The following TMEFF1 variants were observed in gnomAD, a reference collection of about 807,000 sequenced individuals.
The protein encoded by TMEFF1 is transmembrane protein with EGF like and two follistatin like domains 1.
A neutral mutation model predicts 47.5 loss-of-function variants in TMEFF1; 20 were observed. The ratio of observed to expected loss-of-function variants is 0.42; its 90% CI spans 0.30 to 0.61. The LOEUF is 0.61. Among genes scored for constraint, TMEFF1 ranks in the 20% least tolerant of loss-of-function variants. The probability of loss-of-function intolerance (pLI) is 0.19; values close to 1 mark genes in which losing one functional copy is unlikely to be tolerated. For missense variants in TMEFF1, 411 were observed against 471.1 expected, an observed-to-expected ratio of 0.87 and a Z score of 1.18; for synonymous variants, 162 against 166.3, an observed-to-expected ratio of 0.97 and a Z score of 0.20.
chr9:100,504,930 A>C (rs554748124), intron 2 of TMEFF1, among the ~76,000 whole-genome samples: 1 of 152,236 alleles, frequency 6.6e-6, no homozygotes, highest in Admixed American at 6.5e-5. Flanking sequence ...AAATTCACGG[A>C]TAAATTAACC....
chr9:100,572,847 CCA>C (rs1839273621), intron 9 of TMEFF1, among the ~76,000 whole-genome samples, 171 bp downstream of exon 9: 2 of 151,920 alleles, frequency 1.3e-5, no homozygotes, highest in South Asian at 4.2e-4. Context: ...GGACTAATTC[CCA>C]GTCTTACAGG....
At position 100,543,704 on chromosome 9, in the gene TMEFF1, A is replaced by AAAACACACAC. The variant is rs1038685574; in HGVS notation, c.561-4039_561-4038insAACACACACA. On this transcript the variant is annotated intron_variant, in intron 5 of 9. Coordinates refer to ENST00000374879, the MANE Select transcript of TMEFF1 (RefSeq NM_003692.5). ...AACACTAACATAGCTGATGAAGTAA[A>AAAACACACAC]ACACACACACACACACACACACACA... Among the ~76,000 whole-genome samples the AAAACACACAC allele has an allele frequency of 1.3e-3, 183 of 138,934 alleles. 1 individual carries two copies. Among genetic ancestry groups the AAAACACACAC allele is most frequent in the African/African-American group, 2.8e-3 (105 of 36,908 alleles). 91.1% of individuals were successfully genotyped at this position (138,934 alleles called of 152,430 possible). A position where few individuals can be genotyped will look rare whatever the true frequency, so the allele number is the denominator to read the frequency against.
intron 1 of TMEFF1, among the ~76,000 whole-genome samples, chr9:100,475,161 T>C (rs1413958092): frequency 6.6e-6 from 1 of 152,140 alleles, no homozygotes; most frequent in African/African-American, 2.4e-5. Context: ...GAAGGGGCAT[T>C]ATTTCTGGAA....
chr9:100,547,998 G>A (rs201540904), intron 6 of TMEFF1, 106 bp downstream of exon 6: 20 of 1,242,040 alleles, frequency 1.6e-5, no homozygotes, highest in Middle Eastern at 3.1e-4. Context: ...AGAAATCCTC[G>A]AAGCTTTATT....
At chr9:100,546,559 C>T (rs1433000730) in intron 5 of TMEFF1, among the ~76,000 whole-genome samples, 1 of 152,128 alleles carries the variant, frequency 6.6e-6, no homozygotes, top group Non-Finnish European at 1.5e-5. Context: ...ATTGAATTTA[C>T]CCAGTTTGGC....
chr9:100,571,059 G>A (rs760554692), intron 8 of TMEFF1, among the ~76,000 whole-genome samples: 4 of 152,056 alleles, frequency 2.6e-5, no homozygotes, highest in African/African-American at 4.8e-5. Context: ...TCCAAGATTA[G>A]CACCTACAGC....
chr9:100,511,655 A>C (rs911233734), intron 3 of TMEFF1, among the ~76,000 whole-genome samples: 1 of 152,156 alleles, frequency 6.6e-6, no homozygotes, highest in Non-Finnish European at 1.5e-5. Context: ...CTCCTCTGTG[A>C]AATCTTCCTT....
chr9:100,475,715 CTGTGTGTGTGTGTGTGTGTG>C (rs3055671), intron 1 of TMEFF1, among the ~76,000 whole-genome samples: 6 of 140,850 alleles, frequency 4.3e-5, no homozygotes, highest in Non-Finnish European at 6.2e-5. Context: ...TGCAGAGCGA[CTGTGTGTGTGTGTGTGTGTG>C]TGTGTGTGTG....
intron 1 of TMEFF1, among the ~76,000 whole-genome samples, chr9:100,495,985 A>C (rs1837643449): frequency 6.6e-6 from 1 of 152,198 alleles, no homozygotes; most frequent in African/African-American, 2.4e-5. Context: ...CCTTGGTCTT[A>C]TGCTATCCTG....
chr9:100,525,911 C>G (rs191059633), intron 5 of TMEFF1, among the ~76,000 whole-genome samples: 7,858 of 152,252 alleles, frequency 0.052, 310 homozygotes, highest in Non-Finnish European at 0.074. Context: ...TCCTTTGTCT[C>G]TCTCTCCTAT....
At chr9:100,539,783 C>G (rs942337055) in intron 5 of TMEFF1, among the ~76,000 whole-genome samples, 5 of 152,142 alleles carry the variant, frequency 3.3e-5, no homozygotes, top group African/African-American at 1.2e-4. Context: ...CCTTATCTGA[C>G]CCCACCCACA....
chr9:100,484,274 T>A (rs947534317), intron 1 of TMEFF1, among the ~76,000 whole-genome samples: 3 of 152,118 alleles, frequency 2.0e-5, no homozygotes, highest in Non-Finnish European at 4.4e-5. Flanking sequence ...TCGACTATAG[T>A]CACAAGGTTG....
At chr9:100,547,718 T>C (rs201017786) in intron 5 of TMEFF1, 26 bp from the exon 6 acceptor site, 11 of 1,463,514 alleles carry the variant, frequency 7.5e-6, no homozygotes, top group Non-Finnish European at 8.2e-6. Context: ...TTGTAAAATA[T>C]AGGTAATTTT....
At chr9:100,525,098 C>A (rs1180483367) in intron 5 of TMEFF1, among the ~76,000 whole-genome samples, 1 of 152,132 alleles carries the variant, frequency 6.6e-6, no homozygotes, top group African/African-American at 2.4e-5. Context: ...TCATTGTGGA[C>A]TGATTGCCCT....
intron 9 of TMEFF1, among the ~76,000 whole-genome samples, chr9:100,573,870 A>G (rs1308145429): frequency 6.6e-6 from 1 of 152,290 alleles, no homozygotes; most frequent in East Asian, 1.9e-4. Context: ...ACTACTGAAT[A>G]TAAAATTGGA....
Position 100,572,604 on chromosome 9 carries a change from A to T in TMEFF1, c.986A>T (p.His329Leu), listed in dbSNP as rs376171808. The change falls in exon 9 of 10, where the codon CAT becomes CTT. Residue 329 changes from histidine to leucine, a missense_variant. Transcript: ENST00000374879. ...YVVPSRQKLT[H>L]VLIAAIIGAV... The stretch of plus-strand genomic sequence containing the variant: ...GTGCCAAGTAGGCAAAAGCTCACTC[A>T]TGTTCTTATTGCAGCAATTATTGGA... 33 of 1,613,552 alleles carry T rather than the reference A, an allele frequency of 2.0e-5. No individual in the cohort carries two copies. Among genetic ancestry groups the T allele is most frequent in the Non-Finnish European group, 2.8e-5 (33 of 1,179,770 alleles).
chr9:100,480,687 C>T (rs1451917841), intron 1 of TMEFF1, among the ~76,000 whole-genome samples: 1 of 151,994 alleles, frequency 6.6e-6, no homozygotes, highest in Admixed American at 6.6e-5. Context: ...CTGTGTTTGG[C>T]AGACTTACAC....
At chr9:100,500,022 G>A (rs1056609968) in intron 2 of TMEFF1, among the ~76,000 whole-genome samples, 1 of 152,120 alleles carries the variant, frequency 6.6e-6, no homozygotes, top group African/African-American at 2.4e-5. Context: ...GTAGCTTTTG[G>A]CTGGCTTCAG....
intron 3 of TMEFF1, among the ~76,000 whole-genome samples, chr9:100,509,775 G>GAAA (rs768756484): frequency 2.0e-5 from 2 of 100,584 alleles, no homozygotes; most frequent in South Asian, 3.1e-4. Flanking sequence ...CTCCATCTCA[G>GAAA]AAAAAAAAAA....
Sources: gnomAD v4.1 joint callset for allele counts (sites outside exome capture counted in the v4.1 genomes callset) on GRCh38, gnomAD v4.1.1 for gene constraint, MANE v1.5 for transcripts, NCBI Gene and HGNC (gene_info 2026-07-23, HGNC 2026-07-21) for gene names.